The following MYO10 variants were observed in gnomAD, a reference collection of about 807,000 sequenced individuals.
MYO10 encodes unconventional myosin-X.
In MYO10, 133 loss-of-function variants were observed where a neutral mutation model predicts 257.3. The ratio of observed to expected loss-of-function variants is 0.52; its 90% confidence interval spans 0.45 to 0.60. The LOEUF (loss-of-function observed/expected upper bound fraction) is 0.60, where lower values mean the gene tolerates loss of function less well. MYO10 is among the 20% of genes least tolerant of loss of function. The pLI, the probability that MYO10 is intolerant of heterozygous loss-of-function variation, is 0.00. For synonymous variants in MYO10, 1,104 were observed against 1,028.6 expected, an observed-to-expected ratio of 1.07 and a Z score of -1.40; for missense variants, 2,399 against 2,635.7, an observed-to-expected ratio of 0.91 and a Z score of 1.97.
At chr5:16,674,563 GTT>G (rs5866200) in intron 35 of MYO10, among the ~76,000 whole-genome samples, 117 of 143,250 alleles carry the variant, frequency 8.2e-4, no homozygotes, top group East Asian at 4.9e-3. Context: ...AAATATCCAA[GTT>G]TTTTTTTTTT....
intron 1 of MYO10, among the ~76,000 whole-genome samples, chr5:16,880,117 T>C (rs1744715433): frequency 6.6e-6 from 1 of 151,980 alleles, no homozygotes; most frequent in Non-Finnish European, 1.5e-5. Context: ...GAGGCAGAGG[T>C]TACACTGAAT....
chr5:16,873,074 CCA>C (rs1265579187), intron 2 of MYO10, among the ~76,000 whole-genome samples: 3 of 152,170 alleles, frequency 2.0e-5, no homozygotes, highest in Non-Finnish European at 4.4e-5. Context: ...ACCCAGAAGT[CCA>C]CAGTCCAAAG....
In MYO10 at chr5:16,762,005, A is replaced by C. The variant is rs755455341; in HGVS notation, c.1656+40T>G. ...GAAACCACTGTTTTCTCTGAATACC[A>C]AACAGGCAAATATCAATAGGTATCT... On this transcript the variant is annotated intron_variant, in intron 16 of 40. Coordinates refer to ENST00000513610, the MANE Select transcript of MYO10 (RefSeq NM_012334.3). 2.9e-5 allele frequency: 43 copies of C among 1,485,880 alleles called. 1 individual carries two copies. In the South Asian group the frequency reaches 5.9e-4, roughly 20 times the overall value. The allele number at this position is 1,485,880 out of a possible 1,614,324, so 92.0% of individuals were successfully genotyped here.
chr5:16,676,748 T>A (rs572768779), intron 33 of MYO10, among the ~76,000 whole-genome samples: 1 of 152,178 alleles, frequency 6.6e-6, no homozygotes, highest in Non-Finnish European at 1.5e-5. Flanking sequence ...CAGTGGCTCA[T>A]GCCTGTGCAT....
chr5:16,707,539 G>A (rs1029905342), intron 21 of MYO10, among the ~76,000 whole-genome samples: 3 of 152,180 alleles, frequency 2.0e-5, no homozygotes, highest in African/African-American at 4.8e-5. Context: ...CTAGTACACT[G>A]TCTTTATAAA....
chr5:16,736,240 T>C (rs1400557892), intron 19 of MYO10, among the ~76,000 whole-genome samples: 1 of 152,162 alleles, frequency 6.6e-6, no homozygotes, highest in Non-Finnish European at 1.5e-5. Flanking sequence ...CAAGCGGCGA[T>C]TGTACTGTAG....
At chr5:16,923,882 G>C (rs1746060127) in intron 1 of MYO10, among the ~76,000 whole-genome samples, 1 of 152,106 alleles carries the variant, frequency 6.6e-6, no homozygotes, top group South Asian at 2.1e-4. Flanking sequence ...TTGAGCTCAG[G>C]AGTTCGAGAC....
rs1738025645 is a variant in MYO10, at chr5:16,701,040, G to A, written c.3355C>T (p.Pro1119Ser). 4 of 1,564,820 alleles carry A rather than the reference G, an allele frequency of 2.6e-6. No individual in the cohort carries two copies. Among genetic ancestry groups the A allele is most frequent in the Non-Finnish European group, 3.5e-6 (4 of 1,155,038 alleles). Residue 1119 changes from proline (P) to serine (S), a missense_variant, in exon 25 of 41, where the codon CCC becomes TCC. Physicochemically the swap from Pro to Ser is moderately conservative, Grantham distance 74. Around this residue, in one of 3 missense-constraint regions of MYO10, gnomAD observed 1,820 missense variants for 1,939.4 expected, o/e 0.94. Coordinates refer to ENST00000513610, the MANE Select transcript of MYO10 (RefSeq NM_012334.3). This position sits in a 1 kb window ranked among gnomAD's most constrained non-coding sequence, Gnocchi z 8.1. ...FSNSYGSQWS[P>S]DYRCSVGTYN... ...GTCCCCACAGAGCAGCGGTAGTCGG[G>A]GGACCACTGGCTGCCGTAGGAGTTG...
rs768593399 is a variant in MYO10 at position 16,694,521 on chromosome 5, C to G, written c.3650G>C (p.Gly1217Ala). ...FRSKQEALKQ[G>A]WLHKKGGGSS... ...GCCCCCCCCTTTTTTGTGGAGCCAG[C>G]CTTGCTTGAGGGCCTCCTGCTTGGA... Residue 1217 changes from glycine (G) to alanine (A), a missense_variant, in exon 27 of 41, where the codon GGC (glycine) becomes GCC (alanine). Gly to Ala is a moderately conservative substitution (Grantham distance 60). Coordinates refer to ENST00000513610, the MANE Select transcript of MYO10 (RefSeq NM_012334.3). 3.7e-6 allele frequency: 6 copies of G among 1,613,886 alleles called. No homozygotes were observed. The highest frequency in any genetic ancestry group is 1.3e-5 in the African/African-American group (1 of 74,924).
At position 16,739,704 on chromosome 5, in the gene MYO10, TA is replaced by T. The variant is rs575470871; in HGVS notation, c.1929+15123del. Among the ~76,000 whole-genome samples, 96 of 147,784 alleles carry T rather than the reference TA, an allele frequency of 6.5e-4. No individual in the cohort carries two copies. The South Asian group carries it at 0.011, about 18-fold the overall frequency. On this transcript the variant is annotated intron_variant, in intron 19 of 40. Transcript: ENST00000513610. ...AAGAATGTTTCAAGATTTATTAAGT[TA>T]AAAAAAAAAGTAGGTTACAAAATTA...
Position 16,771,103 on chromosome 5 carries a change from G to A in MYO10, c.931-1900C>T, listed in dbSNP as rs183994743. ...TCTTTATAAAGAAAAAGCAATAATGGCAGGAAAGAAAAGGCAAACAATGGA... is the reference window on the plus strand; with the variant it reads ...TCTTTATAAAGAAAAAGCAATAATGACAGGAAAGAAAAGGCAAACAATGGA... On this transcript the variant is annotated intron_variant, in intron 9 of 40. Transcript: ENST00000513610. Among the ~76,000 whole-genome samples the A allele has an allele frequency of 5.9e-5, 9 of 152,258 alleles. No individual in the cohort carries two copies. In the East Asian group the frequency reaches 1.5e-3, roughly 26 times the overall value.
intron 21 of MYO10, among the ~76,000 whole-genome samples, chr5:16,710,491 C>T (rs565784236): frequency 5.3e-5 from 8 of 152,274 alleles, no homozygotes; most frequent in African/African-American, 1.7e-4. Flanking sequence ...ACTGATCTCT[C>T]GCTCAGTCGC....
At chr5:16,754,986 A>G in intron 18 of MYO10, 78 bp from the exon 19 acceptor site, 2 of 899,524 alleles carry the variant, frequency 2.2e-6, no homozygotes, top group South Asian at 2.2e-5. Context: ...GGCACTTAGA[A>G]ACAATAATTT....
chr5:16,777,839 C>CTTTTTTTTTTTTT lies in MYO10; in HGVS notation c.930+1693_930+1705dup, dbSNP rs61326508. 5.8e-4 allele frequency among the ~76,000 whole-genome samples: 51 copies of CTTTTTTTTTTTTT among 88,478 alleles called. 5 individuals carry two copies. The highest frequency in any genetic ancestry group is 2.6e-3 in the African/African-American group (49 of 18,652). The allele number at this position is 88,478 out of a possible 152,430, so 58.0% of individuals were successfully genotyped here. A position where few individuals can be genotyped will look rare whatever the true frequency, so the allele number is the denominator to read the frequency against. ...GCCACCCTAGGTGCATTGCATCTAA[C>CTTTTTTTTTTTTT]TTTTTTTTTTTTTTTTTTTTTTTTT... On this transcript the variant is annotated intron_variant, in intron 9 of 40. Coordinates refer to ENST00000513610, the MANE Select transcript of MYO10 (RefSeq NM_012334.3).
chr5:16,719,011 G>C (rs914013658), intron 19 of MYO10, among the ~76,000 whole-genome samples: 1 of 152,162 alleles, frequency 6.6e-6, no homozygotes, highest in South Asian at 2.1e-4. Context: ...CAGGTTGCCA[G>C]CATTAGCAAC....
chr5:16,730,049 G>C (rs1739521604), intron 19 of MYO10, among the ~76,000 whole-genome samples: 1 of 152,130 alleles, frequency 6.6e-6, no homozygotes, highest in Non-Finnish European at 1.5e-5. Flanking sequence ...AAGAGGGTGA[G>C]GTCTTTATTT....
chr5:16,891,289 C>T (rs1043843345), intron 1 of MYO10, among the ~76,000 whole-genome samples: 2 of 139,362 alleles, frequency 1.4e-5, no homozygotes. Context: ...AGTGAGACTC[C>T]GTCTTGAAAG....
rs543089528 is a variant in MYO10 at position 16,763,425 on chromosome 5, G to C, written c.1494+56C>G. On this transcript the variant is annotated intron_variant, in intron 14 of 40. Transcript: ENST00000513610. Reference sequence around the variant, plus strand: ...CACGTTATTTTGTTCCCATAAATATGAATCAGTCCAGCTGGACCCCCTTGG... The same window carrying C: ...CACGTTATTTTGTTCCCATAAATATCAATCAGTCCAGCTGGACCCCCTTGG... The C allele has an allele frequency of 1.6e-4, 209 of 1,343,856 alleles. 1 individual carries two copies. In the East Asian group the frequency reaches 4.7e-3, roughly 30 times the overall value. 83.2% of individuals were successfully genotyped at this position (1,343,856 alleles called of 1,614,324 possible).
intron 9 of MYO10, among the ~76,000 whole-genome samples, chr5:16,771,521 C>T (rs1741047565): frequency 6.7e-6 from 1 of 148,816 alleles, no homozygotes; most frequent in African/African-American, 2.5e-5. Context: ...CCCAACTGAC[C>T]CAAATCTAGG....
Sources: allele counts gnomAD v4.1 joint callset (sites outside exome capture counted in the v4.1 genomes callset), GRCh38; gene constraint gnomAD v4.1.1; regional missense constraint gnomAD v4.1.1; non-coding constraint Gnocchi (gnomAD v3.1); transcripts MANE v1.5; gene names NCBI Gene and HGNC (gene_info 2026-07-23, HGNC 2026-07-21).